ZSWIM5: variants seen among roughly 807,000 people sequenced by gnomAD.
The protein encoded by ZSWIM5 is zinc finger SWIM-type containing 5.
In ZSWIM5, 55 loss-of-function variants were observed where a neutral mutation model predicts 119.6. The ratio of observed to expected loss-of-function variants is 0.46; its 90% CI spans 0.37 to 0.58. The LOEUF is 0.58. ZSWIM5 is among the 20% of genes least tolerant of loss of function. ZSWIM5 has a pLI of 0.00. For missense variants in ZSWIM5, 1,193 were observed against 1,512.8 expected, an observed-to-expected ratio of 0.79 and a Z score of 3.51; for synonymous variants, 537 against 606.9, an observed-to-expected ratio of 0.88 and a Z score of 1.69.
chr1:45,169,503 A>C lies in ZSWIM5; in HGVS notation c.595+36253T>G, dbSNP rs113147458. ...GTGACACAGTTGGAATATGAATCCT[A>C]ACCTCTCTAATTCTAAAGCCCATGT... On this transcript the variant is annotated intron_variant, in intron 1 of 13. Transcript: ENST00000359600. Among the ~76,000 whole-genome samples the C allele has an allele frequency of 7.6e-3, 1,151 of 152,152 alleles. 16 individuals are homozygous for C. The highest frequency in any genetic ancestry group is 0.027 in the African/African-American group (1,103 of 41,562).
At chr1:45,053,190 T>C (rs1645100221) in intron 4 of ZSWIM5, among the ~76,000 whole-genome samples, 1 of 151,522 alleles carries the variant, frequency 6.6e-6, no homozygotes, top group Non-Finnish European at 1.5e-5. Flanking sequence ...TAGGGGATTA[T>C]AGTAACATTT....
intron 1 of ZSWIM5, among the ~76,000 whole-genome samples, chr1:45,124,692 G>A (rs1270113526): frequency 6.6e-6 from 1 of 152,082 alleles, no homozygotes; most frequent in Admixed American, 6.6e-5. Context: ...TTAAAAACAT[G>A]ACCCAAGTAT....
chr1:45,095,503 TTA>T (rs1645395650), intron 1 of ZSWIM5, among the ~76,000 whole-genome samples: 1 of 152,212 alleles, frequency 6.6e-6, no homozygotes, highest in Non-Finnish European at 1.5e-5. Context: ...AATTTTGTTG[TTA>T]TGTCTCTTAA....
At chr1:45,183,676 A>T (rs1288772625) in intron 1 of ZSWIM5, among the ~76,000 whole-genome samples, 4 of 152,226 alleles carry the variant, frequency 2.6e-5, no homozygotes, top group African/African-American at 9.6e-5. Flanking sequence ...CTGGAAACAT[A>T]TACTCTCCCA....
intron 1 of ZSWIM5, among the ~76,000 whole-genome samples, chr1:45,134,085 G>A (rs1645675222): frequency 6.6e-6 from 1 of 152,116 alleles, no homozygotes; most frequent in Admixed American, 6.6e-5. Context: ...GATTGTCTTG[G>A]CGATGCGGGC....
intron 2 of ZSWIM5, among the ~76,000 whole-genome samples, chr1:45,085,578 G>A (rs1372395761): frequency 7.2e-6 from 1 of 139,552 alleles, no homozygotes; most frequent in African/African-American, 2.7e-5. Context: ...GTTGCTAGAA[G>A]CAGTCAGGCT....
At chr1:45,118,220 G>A (rs1392776964) in intron 1 of ZSWIM5, among the ~76,000 whole-genome samples, 6 of 152,122 alleles carry the variant, frequency 3.9e-5, no homozygotes, top group East Asian at 1.9e-4. Context: ...AACTCCACAC[G>A]CATTGCCAGA....
chr1:45,166,030 A>G (rs1450915313), intron 1 of ZSWIM5, among the ~76,000 whole-genome samples: 8 of 152,088 alleles, frequency 5.3e-5, no homozygotes, highest in Admixed American at 5.2e-4. Context: ...AGAATTTTAG[A>G]CCAATATCCC....
intron 11 of ZSWIM5, among the ~76,000 whole-genome samples, chr1:45,031,296 C>T (rs188922686): frequency 6.7e-6 from 1 of 149,920 alleles, no homozygotes; most frequent in Admixed American, 6.7e-5. Context: ...AGTACCTCAG[C>T]CTCCCGAGTA....
chr1:45,060,389 C>A, intron 2 of ZSWIM5, 142 bp from the exon 3 acceptor site: 12 of 729,060 alleles, frequency 1.6e-5, no homozygotes, highest in East Asian at 8.4e-5. Flanking sequence ...TAGTCCTAAA[C>A]AAAATAAATA....
intron 1 of ZSWIM5, among the ~76,000 whole-genome samples, chr1:45,114,150 T>C (rs531950947): frequency 1.3e-5 from 2 of 152,330 alleles, no homozygotes; most frequent in Admixed American, 1.3e-4. Flanking sequence ...GGGGATCATG[T>C]GATGTCAGCT....
chr1:45,161,937 A>G (rs998290970), intron 1 of ZSWIM5, among the ~76,000 whole-genome samples: 2 of 152,222 alleles, frequency 1.3e-5, no homozygotes, highest in Non-Finnish European at 2.9e-5. Context: ...GAAATTATCT[A>G]TTCAATCCAT....
chr1:45,184,828 G>A (rs1211798537), intron 1 of ZSWIM5, among the ~76,000 whole-genome samples: 4 of 151,972 alleles, frequency 2.6e-5, no homozygotes, highest in African/African-American at 9.7e-5. Context: ...TACTGCCCAA[G>A]GTAATTTATA....
intron 1 of ZSWIM5, among the ~76,000 whole-genome samples, chr1:45,097,255 G>T (rs914926706): frequency 6.6e-6 from 1 of 152,170 alleles, no homozygotes; most frequent in African/African-American, 2.4e-5. Flanking sequence ...GGATTAAACA[G>T]AAAAGGACTA....
chr1:45,040,319 T>C, intron 7 of ZSWIM5, 73 bp downstream of exon 7: 2 of 1,427,722 alleles, frequency 1.4e-6, no homozygotes, highest in Non-Finnish European at 1.9e-6. Flanking sequence ...CTAGTTCTTC[T>C]GGGCCTTGTA....
At chr1:45,181,759 A>T (rs1359219854) in intron 1 of ZSWIM5, among the ~76,000 whole-genome samples, 1 of 152,162 alleles carries the variant, frequency 6.6e-6, no homozygotes, top group Non-Finnish European at 1.5e-5. Context: ...AAGCCAGAAG[A>T]GAGTGGGGGC....
In ZSWIM5 at chr1:45,150,963, T is replaced by C. The variant is rs184273418; in HGVS notation, c.595+54793A>G. ...TCTGTAATTCCAGCATGACTCCTGA[T>C]CTTCCCCTTGCTCAACATTCACGGC... On this transcript the variant is annotated intron_variant, in intron 1 of 13. Transcript: ENST00000359600. Among the ~76,000 whole-genome samples the C allele has an allele frequency of 8.5e-5, 13 of 152,284 alleles. No individual in the cohort carries two copies. In the East Asian group the frequency reaches 1.2e-3, roughly 14 times the overall value.
At position 45,018,634 on chromosome 1, in the gene ZSWIM5, G is replaced by C; in HGVS notation, c.3378C>G (p.Arg1126=). 1.2e-6 allele frequency: 2 copies of C among 1,614,220 alleles called. No individual in the cohort carries two copies. Among genetic ancestry groups the C allele is most frequent in the Non-Finnish European group, 1.7e-6 (2 of 1,180,046 alleles). Residue 1126 remains arginine (R), a synonymous_variant, in exon 14 of 14, where the codon CGC becomes CGG. Transcript: ENST00000359600. This position sits in a 1 kb window ranked among gnomAD's most constrained non-coding sequence, Gnocchi z 6.7. ...INAYINTTHS[R]LTHISPRHYG... is the part of the protein sequence containing the mutation. ...AGTGGCGAGGGCTGATGTGTGTTAG[G>C]CGTGAGTGTGTAGTGTTGATATAGG...
intron 1 of ZSWIM5, among the ~76,000 whole-genome samples, chr1:45,185,751 A>G (rs1373957549): frequency 6.6e-6 from 1 of 152,218 alleles, no homozygotes; most frequent in Non-Finnish European, 1.5e-5. Context: ...TCAGGAAACA[A>G]CGGGTGCTGG....
Sources: allele counts gnomAD v4.1 joint callset (sites outside exome capture counted in the v4.1 genomes callset), GRCh38; gene constraint gnomAD v4.1.1; non-coding constraint Gnocchi (gnomAD v3.1); transcripts MANE v1.5; gene names NCBI Gene and HGNC (gene_info 2026-07-23, HGNC 2026-07-21).